Variants in GRK5 observed in about 807,000 individuals in gnomAD.
GRK5 encodes g protein-coupled receptor kinase GRK5.
In GRK5, 40 loss-of-function variants were observed where a neutral mutation model predicts 78.4. The observed-to-expected ratio is 0.51, with a 90% CI of 0.40 to 0.66. The LOEUF is 0.66. GRK5 is among the 30% of genes least tolerant of loss of function. The pLI is 0.00. For missense variants in GRK5, 598 were observed against 759.9 expected (o/e 0.79, Z 2.50); for synonymous variants, 289 against 296.8 (o/e 0.97, Z 0.27).
chr10:119,282,854 C>A (rs1454029230), intron 1 of GRK5, among the ~76,000 whole-genome samples: 1 of 152,190 alleles, frequency 6.6e-6, no homozygotes, highest in African/African-American at 2.4e-5. Flanking sequence ...AAAGGTGAGG[C>A]CTTGTGAGAA....
chr10:119,338,120 C>G (rs1466230955), intron 2 of GRK5, among the ~76,000 whole-genome samples: 2 of 152,150 alleles, frequency 1.3e-5, no homozygotes, highest in Admixed American at 6.5e-5. Flanking sequence ...CTCATGTGGT[C>G]TGGTGGAGTT....
At chr10:119,269,380 A>G (rs778184457) in intron 1 of GRK5, among the ~76,000 whole-genome samples, 58 of 152,258 alleles carry the variant, frequency 3.8e-4, no homozygotes, top group Non-Finnish European at 6.2e-4. Context: ...AGGACGTCCT[A>G]TAGTCCCTGA....
intron 1 of GRK5, among the ~76,000 whole-genome samples, chr10:119,303,699 G>A (rs572889779): frequency 1.3e-5 from 2 of 149,660 alleles, no homozygotes; most frequent in Non-Finnish European, 3.0e-5. Flanking sequence ...GGGCAAGAAC[G>A]GAGGTGGGAG....
Position 119,311,914 on chromosome 10 carries a change from A to AT in GRK5, c.53-14583dup, listed in dbSNP as rs1554905357. ...TGTACTGAATGCTACTGAATTGTTC[A>AT]TTTTTTTTTTTTTTTTTTTGAGACG... On this transcript the variant is annotated intron_variant, in intron 1 of 15. Transcript: ENST00000392870. Among the ~76,000 whole-genome samples the AT allele has an allele frequency of 5.5e-3, 759 of 137,796 alleles. 12 individuals are homozygous for AT. Among genetic ancestry groups the AT allele is most frequent in the African/African-American group, 0.02 (724 of 36,540 alleles). The allele number at this position is 137,796 out of a possible 152,430, so 90.4% of individuals were successfully genotyped here.
intron 3 of GRK5, among the ~76,000 whole-genome samples, chr10:119,391,990 G>A (rs1295125018): frequency 1.3e-5 from 2 of 152,200 alleles, no homozygotes; most frequent in Admixed American, 6.5e-5. Context: ...AAGGCCAGGA[G>A]GAATTCAGCC....
intron 1 of GRK5, among the ~76,000 whole-genome samples, chr10:119,247,961 G>C (rs1849139832): frequency 6.6e-6 from 1 of 152,128 alleles, no homozygotes; most frequent in African/African-American, 2.4e-5. Flanking sequence ...AATGCTGACT[G>C]TTTATATGTG....
At chr10:119,423,298 C>T in intron 5 of GRK5, 32 bp downstream of exon 5, 1 of 1,498,534 alleles carries the variant, frequency 6.7e-7, no homozygotes. Flanking sequence ...CCTGTCCTCC[C>T]CGGGCTGCCC....
intron 2 of GRK5, among the ~76,000 whole-genome samples, chr10:119,370,151 G>A (rs1433751606): frequency 2.0e-5 from 3 of 152,138 alleles, no homozygotes; most frequent in Non-Finnish European, 2.9e-5. Flanking sequence ...TCATCAGAGA[G>A]GCAGGGGCCC....
intron 1 of GRK5, among the ~76,000 whole-genome samples, chr10:119,224,604 G>T (rs1848706341): frequency 6.6e-6 from 1 of 151,904 alleles, no homozygotes; most frequent in Non-Finnish European, 1.5e-5. Flanking sequence ...AGTAGAGATG[G>T]GGTTTCACCA....
chr10:119,292,301 CTTCCTCCTTCTCCTCCTA>C (rs1327209114), intron 1 of GRK5, among the ~76,000 whole-genome samples: 7 of 151,150 alleles, frequency 4.6e-5, no homozygotes, highest in Admixed American at 2.0e-4. Flanking sequence ...TTCTCCTCCT[CTTCCTCCTTCTCCTCCTA>C]TTCCTCCTTC....
chr10:119,344,914 CT>C (rs1851057560), intron 2 of GRK5, among the ~76,000 whole-genome samples: 2 of 146,472 alleles, frequency 1.4e-5, no homozygotes, highest in Admixed American at 1.4e-4. Flanking sequence ...TCCTTCCTTC[CT>C]TCCTTCCTTC....
At chr10:119,211,324 C>T (rs1170314672) in intron 1 of GRK5, among the ~76,000 whole-genome samples, 3 of 152,212 alleles carry the variant, frequency 2.0e-5, no homozygotes, top group Non-Finnish European at 4.4e-5. Flanking sequence ...CCCAGACTAA[C>T]TCTATCTATT....
At chr10:119,406,440 G>T in intron 4 of GRK5, 3 of 984,376 alleles carry the variant, frequency 3.0e-6, no homozygotes, top group Non-Finnish European at 3.6e-6. Flanking sequence ...GCAACCAAGG[G>T]TGTGAAATAT....
intron 2 of GRK5, among the ~76,000 whole-genome samples, chr10:119,375,932 C>T (rs1851614288): frequency 6.6e-6 from 1 of 152,272 alleles, no homozygotes; most frequent in South Asian, 2.1e-4. Flanking sequence ...ATGACTTCCT[C>T]TGTAAATGTC....
At chr10:119,266,722 A>G (rs1291862920) in intron 1 of GRK5, among the ~76,000 whole-genome samples, 1 of 111,740 alleles carries the variant, frequency 8.9e-6, no homozygotes, top group African/African-American at 3.5e-5. Flanking sequence ...CTGATTTCCC[A>G]CTAGGCTTGG....
intron 2 of GRK5, among the ~76,000 whole-genome samples, chr10:119,372,424 C>G (rs2133821934): frequency 6.6e-6 from 1 of 152,340 alleles, no homozygotes; most frequent in African/African-American, 2.4e-5. Flanking sequence ...GACAGTGTAG[C>G]ACTTTACTGC....
intron 1 of GRK5, among the ~76,000 whole-genome samples, chr10:119,255,224 G>A (rs1849262622): frequency 6.6e-6 from 1 of 152,102 alleles, no homozygotes; most frequent in Non-Finnish European, 1.5e-5. Flanking sequence ...AGGGAGGGGT[G>A]TGGCACAGGC....
chr10:119,349,486 G>A (rs572830229), intron 2 of GRK5, among the ~76,000 whole-genome samples: 25 of 152,308 alleles, frequency 1.6e-4, no homozygotes, highest in African/African-American at 5.3e-4. Flanking sequence ...GCAGTTACCC[G>A]CCTGTACTGT....
intron 1 of GRK5, among the ~76,000 whole-genome samples, chr10:119,261,082 A>C (rs1354242048): frequency 2.3e-5 from 1 of 43,628 alleles, no homozygotes; most frequent in African/African-American, 7.2e-5. Context: ...CCGGGCGGAG[A>C]CGCTCCTCAC....
Sources: gnomAD v4.1 joint callset for allele counts (sites outside exome capture counted in the v4.1 genomes callset) on GRCh38, gnomAD v4.1.1 for gene constraint, MANE v1.5 for transcripts, NCBI Gene and HGNC (gene_info 2026-07-23, HGNC 2026-07-21) for gene names.